The following GNAI3 variants were observed in gnomAD, a reference collection of about 807,000 sequenced individuals.
GNAI3 encodes guanine nucleotide-binding protein G(i) subunit alpha-3.
A neutral mutation model predicts 41.8 loss-of-function variants in GNAI3; 12 were observed. The ratio of observed to expected loss-of-function variants is 0.29; its 90% CI spans 0.18 to 0.47. The LOEUF (loss-of-function observed/expected upper bound fraction) is 0.47. GNAI3 is among the 20% of genes least tolerant of loss of function. The pLI, the probability that GNAI3 is intolerant of heterozygous loss-of-function variation, is 1.00. For synonymous variants in GNAI3, 132 were observed against 146.5 expected, an observed-to-expected ratio of 0.90 and a Z score of 0.71; for missense variants, 360 against 429.6, an observed-to-expected ratio of 0.84 and a Z score of 1.43.
intron 1 of GNAI3, among the ~76,000 whole-genome samples, chr1:109,559,159 G>A (rs1189812908): frequency 6.6e-6 from 1 of 151,854 alleles, no homozygotes; most frequent in Non-Finnish European, 1.5e-5. Context: ...TCCAGCCTGG[G>A]TGACAGAGCG....
At chr1:109,564,373 A>G (rs1274550053) in intron 1 of GNAI3, among the ~76,000 whole-genome samples, 1 of 151,608 alleles carries the variant, frequency 6.6e-6, no homozygotes, top group African/African-American at 2.4e-5. Context: ...AACTGGGTCA[A>G]CAACCTTTGT....
intron 4 of GNAI3, 80 bp from the exon 5 acceptor site, chr1:109,582,357 A>ATAG: frequency 9.4e-7 from 1 of 1,060,306 alleles, no homozygotes; most frequent in Non-Finnish European, 1.4e-6. Context: ...CAGGTTTAAA[A>ATAG]TAGGAACTAA....
At position 109,597,792 on chromosome 1, in the gene GNAI3, A is replaced by G. The variant is rs1239284963; in HGVS notation, c.*5470A>G. On this transcript the variant is annotated 3_prime_UTR_variant, in exon 9 of 9. Coordinates refer to ENST00000369851, the MANE Select transcript of GNAI3 (RefSeq NM_006496.4). Reference sequence around the variant, plus strand: ...AATTAAAGATAAAACCCTGTGACAGATAACAGTATATGTAATAACATGAAT... The same window carrying G: ...AATTAAAGATAAAACCCTGTGACAGGTAACAGTATATGTAATAACATGAAT... 1 of 152,256 alleles carries G rather than the reference A, an allele frequency of 6.6e-6. No homozygotes were observed. The highest frequency in any genetic ancestry group is 1.9e-4 in the East Asian group (1 of 5,202). 9.4% of individuals were successfully genotyped at this position (152,256 alleles called of 1,614,324 possible).
At chr1:109,561,630 T>C (rs1368631590) in intron 1 of GNAI3, among the ~76,000 whole-genome samples, 1 of 152,154 alleles carries the variant, frequency 6.6e-6, no homozygotes, top group African/African-American at 2.4e-5. Context: ...ATGAGAAATA[T>C]ACAGAATTCT....
chr1:109,565,316 A>G (rs1157890137), intron 1 of GNAI3, among the ~76,000 whole-genome samples: 1 of 152,010 alleles, frequency 6.6e-6, no homozygotes, highest in Non-Finnish European at 1.5e-5. Flanking sequence ...AGTGCTCACT[A>G]TGTTTTATAT....
At chr1:109,555,055 T>C (rs1648103645) in intron 1 of GNAI3, among the ~76,000 whole-genome samples, 1 of 152,158 alleles carries the variant, frequency 6.6e-6, no homozygotes, top group Non-Finnish European at 1.5e-5. Context: ...TGGAAACACG[T>C]CCCATGCTCA....
At chr1:109,565,751 G>A (rs1180089869) in intron 1 of GNAI3, among the ~76,000 whole-genome samples, 1 of 152,102 alleles carries the variant, frequency 6.6e-6, no homozygotes, top group Non-Finnish European at 1.5e-5. Context: ...GGCTAGTGGA[G>A]TCCTAAACAG....
intron 1 of GNAI3, among the ~76,000 whole-genome samples, chr1:109,571,579 C>T (rs1405677887): frequency 6.6e-6 from 1 of 152,156 alleles, no homozygotes; most frequent in Admixed American, 6.5e-5. Context: ...CGAGGGTACT[C>T]ACTAGATGTT....
intron 5 of GNAI3, among the ~76,000 whole-genome samples, chr1:109,585,559 C>T (rs901224873): frequency 2.0e-5 from 3 of 151,488 alleles, no homozygotes; most frequent in Non-Finnish European, 4.4e-5. Flanking sequence ...GGAAAACAAA[C>T]TTAATAGGGA....
chr1:109,580,069 T>G (rs1390863850), intron 4 of GNAI3, among the ~76,000 whole-genome samples: 2 of 152,220 alleles, frequency 1.3e-5, no homozygotes, highest in African/African-American at 4.8e-5. Context: ...TGGCTCCATC[T>G]CCGCTCACTG....
At chr1:109,577,623 A>G (rs577709479) in intron 3 of GNAI3, among the ~76,000 whole-genome samples, 12 of 152,132 alleles carry the variant, frequency 7.9e-5, no homozygotes, top group Non-Finnish European at 1.5e-4. Flanking sequence ...TGCCACCCTG[A>G]ATGCGCCTGA....
intron 1 of GNAI3, among the ~76,000 whole-genome samples, chr1:109,553,723 T>G (rs1331774441): frequency 6.6e-6 from 1 of 152,228 alleles, no homozygotes; most frequent in Non-Finnish European, 1.5e-5. Flanking sequence ...TTTTAACATT[T>G]CAATAGGTTT....
intron 1 of GNAI3, among the ~76,000 whole-genome samples, chr1:109,552,848 G>C (rs542676766): frequency 6.6e-6 from 1 of 152,012 alleles, no homozygotes; most frequent in Non-Finnish European, 1.5e-5. Context: ...GGAAGCACTG[G>C]TATAATGGAT....
chr1:109,585,084 G>A (rs1649000121), intron 5 of GNAI3, among the ~76,000 whole-genome samples: 1 of 152,144 alleles, frequency 6.6e-6, no homozygotes, highest in Non-Finnish European at 1.5e-5. Context: ...TCAATTTCTG[G>A]GGGAAAACAT....
rs527318802 is a variant in GNAI3, at chr1:109,596,765, A to G, written c.*4443A>G. 4.6e-5 allele frequency: 7 copies of G among 152,340 alleles called. No homozygotes were observed. The highest frequency in any genetic ancestry group is 1.7e-4 in the African/African-American group (7 of 41,584). 9.4% of individuals were successfully genotyped at this position (152,340 alleles called of 1,614,324 possible). On this transcript the variant is annotated 3_prime_UTR_variant, in exon 9 of 9. Coordinates refer to ENST00000369851, the MANE Select transcript of GNAI3 (RefSeq NM_006496.4). ...AAACAGCAGTAGTTACCTGGGGTAC[A>G]TGGTTAATTTGATTTAGCAGATTCT...
chr1:109,555,963 CGTGT>C (rs71069692), intron 1 of GNAI3, among the ~76,000 whole-genome samples: 37,472 of 143,854 alleles, frequency 0.26, 4,855 homozygotes, highest in South Asian at 0.39. Flanking sequence ...TGCGTGCGTG[CGTGT>C]GTGTGTGTGT....
At chr1:109,564,391 C>A (rs535911272) in intron 1 of GNAI3, among the ~76,000 whole-genome samples, 2 of 151,756 alleles carry the variant, frequency 1.3e-5, no homozygotes, top group Non-Finnish European at 2.9e-5. Flanking sequence ...TGTTGTAAAA[C>A]AAAGGTGCCC....
At position 109,586,772 on chromosome 1, in the gene GNAI3, A is replaced by G. The variant is rs759328943; in HGVS notation, c.764A>G (p.Asn255Ser). 1.9e-6 allele frequency: 3 copies of G among 1,604,788 alleles called. No individual in the cohort carries two copies. Among genetic ancestry groups the G allele is most frequent in the Non-Finnish European group, 1.7e-6 (2 of 1,172,826 alleles). Residue 255 changes from asparagine to serine, a missense_variant, in exon 7 of 9, where the codon AAT (asparagine) becomes AGT (serine). Physicochemically the swap from Asn to Ser is conservative, Grantham distance 46. Transcript: ENST00000369851. ...ATGAAACTGTTTGACAGCATTTGTAATAACAAATGGTTTACAGAAACTTCA... is the reference window on the plus strand; with the variant it reads ...ATGAAACTGTTTGACAGCATTTGTAGTAACAAATGGTTTACAGAAACTTCA... ...ESMKLFDSICNNKWFTETSII... is the reference protein window; with the variant it reads ...ESMKLFDSICSNKWFTETSII...
chr1:109,567,005 A>T (rs991137016), intron 1 of GNAI3, among the ~76,000 whole-genome samples: 31 of 152,258 alleles, frequency 2.0e-4, no homozygotes, highest in Non-Finnish European at 5.9e-5. Flanking sequence ...GTAGATACTC[A>T]CAATTCTTTT....
Sources: gnomAD v4.1 joint callset for allele counts (sites outside exome capture counted in the v4.1 genomes callset) on GRCh38, gnomAD v4.1.1 for gene constraint, MANE v1.5 for transcripts, NCBI Gene and HGNC (gene_info 2026-07-23, HGNC 2026-07-21) for gene names.